The following DNAH11 variants were observed in gnomAD, a reference collection of about 807,000 sequenced individuals.
DNAH11 encodes the protein axonemal beta dynein heavy chain 11.
DNAH11 carries 442 observed loss-of-function variants against 526.0 expected under a neutral mutation model. The observed-to-expected ratio is 0.84, with a 90% CI of 0.78 to 0.91. DNAH11 has a LOEUF of 0.91. Among genes scored for constraint, DNAH11 ranks in the 40% least tolerant of loss-of-function variants. The probability of loss-of-function intolerance (pLI) is 0.00; values close to 1 mark genes in which losing one functional copy is unlikely to be tolerated. For missense variants in DNAH11, 6,989 were observed against 5,448.7 expected (o/e 1.28, Z -8.90); for synonymous variants, 2,461 against 1,935.9 (o/e 1.27, Z -7.12).
intron 74 of DNAH11, among the ~76,000 whole-genome samples, chr7:21,874,015 T>A (rs1208158589): frequency 6.6e-6 from 1 of 152,010 alleles, no homozygotes; most frequent in East Asian, 1.9e-4. Flanking sequence ...GGTCTTGAAC[T>A]CCTGACCTCA....
intron 2 of DNAH11, among the ~76,000 whole-genome samples, chr7:21,546,463 A>C (rs1010781061): frequency 1.3e-5 from 2 of 152,190 alleles, no homozygotes; most frequent in Admixed American, 1.3e-4. Flanking sequence ...ACCACTATCA[A>C]CTGGAACTTG....
intron 18 of DNAH11, among the ~76,000 whole-genome samples, chr7:21,605,445 A>T (rs1785243602): frequency 6.6e-6 from 1 of 152,194 alleles, no homozygotes; most frequent in Non-Finnish European, 1.5e-5. Flanking sequence ...CTTTTGTCCT[A>T]TTTGCATTGT....
intron 18 of DNAH11, among the ~76,000 whole-genome samples, chr7:21,603,139 T>C (rs1365844056): frequency 6.6e-6 from 1 of 152,218 alleles, no homozygotes; most frequent in Non-Finnish European, 1.5e-5. Flanking sequence ...ATATTTCAGA[T>C]AGATGGAATC....
At chr7:21,781,974 A>C (rs1019916341) in intron 57 of DNAH11, among the ~76,000 whole-genome samples, 1 of 152,126 alleles carries the variant, frequency 6.6e-6, no homozygotes. Flanking sequence ...TTCTCACCCC[A>C]GTCAGTTTGG....
chr7:21,808,553 T>A (rs1490676865), intron 63 of DNAH11, among the ~76,000 whole-genome samples: 2 of 152,186 alleles, frequency 1.3e-5, no homozygotes, highest in Non-Finnish European at 2.9e-5. Flanking sequence ...CTTCCCTCCC[T>A]CTGGTTCTCT....
chr7:21,772,989 G>C (rs1012723324), intron 55 of DNAH11, among the ~76,000 whole-genome samples: 1 of 152,172 alleles, frequency 6.6e-6, no homozygotes, highest in African/African-American at 2.4e-5. Flanking sequence ...CTAAGAGTTG[G>C]TGTAGCTCAT....
chr7:21,590,883 A>T (rs1478010128), intron 12 of DNAH11, 35 bp from the exon 13 acceptor site: 5 of 1,207,058 alleles, frequency 4.1e-6, no homozygotes, highest in East Asian at 6.2e-5. Flanking sequence ...ACATTATGAA[A>T]ATATGCAATA....
chr7:21,564,146 A>C (rs1583484636), intron 5 of DNAH11, 40 bp from the exon 6 acceptor site: 2 of 1,452,682 alleles, frequency 1.4e-6, no homozygotes, highest in Non-Finnish European at 1.8e-6. Context: ...AAAAAAAAAA[A>C]CAAACCAGAA....
At chr7:21,590,453 C>T (rs542237789) in intron 12 of DNAH11, among the ~76,000 whole-genome samples, 41 of 152,252 alleles carry the variant, frequency 2.7e-4, no homozygotes, top group African/African-American at 9.6e-4. Flanking sequence ...TATACATTCA[C>T]TATTAGTGAT....
chr7:21,839,376 C>T (rs931240430), intron 65 of DNAH11, among the ~76,000 whole-genome samples: 1 of 151,978 alleles, frequency 6.6e-6, no homozygotes, highest in Admixed American at 6.6e-5. Flanking sequence ...AGTTTGAGAC[C>T]AGCCTGGACA....
intron 30 of DNAH11, among the ~76,000 whole-genome samples, chr7:21,666,946 T>A (rs1378777577): frequency 1.3e-4 from 19 of 151,922 alleles, no homozygotes; most frequent in Non-Finnish European, 1.5e-5. Flanking sequence ...AACAGATGAT[T>A]TGAGGAATGC....
chr7:21,784,637 C>A, intron 58 of DNAH11, 97 bp downstream of exon 58: 4 of 771,472 alleles, frequency 5.2e-6, no homozygotes, highest in Non-Finnish European at 7.8e-6. Context: ...CCATTACAGC[C>A]AAAAAGTATT....
chr7:21,795,165 G>T (rs537098386), intron 61 of DNAH11, among the ~76,000 whole-genome samples: 18 of 152,170 alleles, frequency 1.2e-4, no homozygotes, highest in Non-Finnish European at 2.4e-4. Flanking sequence ...TTAGGTAAAG[G>T]TTAATTTTTT....
At position 21,717,830 on chromosome 7, in the gene DNAH11, A is replaced by G. The variant is rs794727671; in HGVS notation, c.7039A>G (p.Thr2347Ala). The change falls in exon 43 of 82, where the codon ACT (threonine) becomes GCT (alanine). Residue 2347 changes from threonine to alanine, a missense_variant. Physicochemically the swap from Thr to Ala is moderately conservative, Grantham distance 58 (BLOSUM62 0). Coordinates refer to ENST00000409508, the MANE Select transcript of DNAH11 (RefSeq NM_001277115.2). ...RRHQSEKANL[T>A]ILFDKYVPAC... ...GCATCAATCAGAAAAGGCCAATTTG[A>G]CTATTCTTTTTGATAAATATGTCCC... The G allele has an allele frequency of 1.2e-6, 2 of 1,613,842 alleles. No individual in the cohort carries two copies. The highest frequency in any genetic ancestry group is 1.7e-6 in the Non-Finnish European group (2 of 1,179,816).
At chr7:21,586,488 G>A (rs971066560) in intron 9 of DNAH11, among the ~76,000 whole-genome samples, 1 of 152,114 alleles carries the variant, frequency 6.6e-6, no homozygotes, top group Non-Finnish European at 1.5e-5. Context: ...GAAAAAGTCA[G>A]AATGTGTTTG....
intron 54 of DNAH11, among the ~76,000 whole-genome samples, chr7:21,761,668 A>G (rs907302176): frequency 6.6e-6 from 1 of 152,200 alleles, no homozygotes; most frequent in Admixed American, 6.5e-5. Flanking sequence ...GCTCCTAGAC[A>G]GTTCTTTGAC....
intron 7 of DNAH11, 44 bp downstream of exon 7, chr7:21,570,343 CA>C (rs1048344883): frequency 1.3e-6 from 2 of 1,496,300 alleles, no homozygotes; most frequent in Non-Finnish European, 1.8e-6. Context: ...AAGGTGGGTG[CA>C]AAAAGCCAGT....
At position 21,732,460 on chromosome 7, in the gene DNAH11, G is replaced by A. The variant is rs146813676; in HGVS notation, c.7441-3180G>A. Among the ~76,000 whole-genome samples the A allele has an allele frequency of 1.4e-3, 208 of 152,144 alleles. 1 individual carries two copies. Among genetic ancestry groups the A allele is most frequent in the Middle Eastern group, 3.4e-3 (1 of 294 alleles). On this transcript the variant is annotated intron_variant, in intron 45 of 81. Coordinates refer to ENST00000409508, the MANE Select transcript of DNAH11 (RefSeq NM_001277115.2). The stretch of plus-strand genomic sequence containing the variant: ...TTAGGGCTTCACGACATGAATGTTG[G>A]GGGGACACAATATTATCAGCCTGTA...
Position 21,842,697 on chromosome 7 carries a change from G to A in DNAH11, c.10845G>A (p.Gln3615=). The change falls in exon 66 of 82, where the codon CAG becomes CAA. Residue 3615 remains glutamine, a synonymous_variant. Coordinates refer to ENST00000409508, the MANE Select transcript of DNAH11 (RefSeq NM_001277115.2). ...FTVTEDGLEA[Q]LLAEVVSIER... ...TCACAGAAGATGGTCTAGAAGCCCA[G>A]CTGCTGGCAGAGGTTGTCAGTATTG... is the stretch of plus-strand genomic sequence containing the variant. 2 of 1,613,706 alleles carry A rather than the reference G, an allele frequency of 1.2e-6. No homozygotes were observed. The highest frequency in any genetic ancestry group is 1.7e-6 in the Non-Finnish European group (2 of 1,179,754).
Sources: gnomAD v4.1 joint callset for allele counts (sites outside exome capture counted in the v4.1 genomes callset) on GRCh38, gnomAD v4.1.1 for gene constraint, MANE v1.5 for transcripts, NCBI Gene and HGNC (gene_info 2026-07-23, HGNC 2026-07-21) for gene names.